Variants in PALB2 observed in about 807,000 individuals in gnomAD.
The protein encoded by PALB2 is partner and localizer of BRCA2, also known as mutant partner and localizer of BRCA2.
Under a neutral mutation model 107.4 loss-of-function variants are expected in PALB2, and 82 were observed. The observed-to-expected ratio is 0.76, with a 90% confidence interval of 0.64 to 0.92. The LOEUF is 0.92. PALB2 is among the 40% of genes least tolerant of loss of function. The probability of loss-of-function intolerance (pLI) is 0.00; values close to 1 mark genes in which losing one functional copy is unlikely to be tolerated. For missense variants in PALB2, 1,374 were observed against 1,379.9 expected (o/e 1.00, Z 0.07); for synonymous variants, 489 against 496.8 (o/e 0.98, Z 0.21).
At chr16:23,603,710 CAAAAAACAATTAAA>C (rs757551962) in intron 12 of PALB2, 41 bp from the exon 13 acceptor site, 1 of 1,463,414 alleles carries the variant, frequency 6.8e-7, no homozygotes, top group East Asian at 2.3e-5. Flanking sequence ...ATTACATATC[CAAAAAACAATTAAA>C]AAAAAAAAAA....
intron 12 of PALB2, among the ~76,000 whole-genome samples, chr16:23,607,577 T>C (rs1268993914): frequency 6.6e-6 from 1 of 152,032 alleles, no homozygotes; most frequent in Non-Finnish European, 1.5e-5. Context: ...ATTACAGGCA[T>C]GATCCACCAT....
rs1966421800 is a variant in PALB2 at position 23,604,251 on chromosome 16, C to T, written c.3351-582G>A. On this transcript the variant is annotated intron_variant, in intron 12 of 12. Coordinates refer to ENST00000261584, the MANE Select transcript of PALB2 (RefSeq NM_024675.4). ...ATGAAGCAGAAACCTACCTGGTTGCCTTTTTCATTTAGACAAGGGCTCTGC... is the reference window on the plus strand; with the variant it reads ...ATGAAGCAGAAACCTACCTGGTTGCTTTTTTCATTTAGACAAGGGCTCTGC... Among the ~76,000 whole-genome samples, 3 of 152,158 alleles carry T rather than the reference C, an allele frequency of 2.0e-5. No homozygotes were observed. The South Asian group carries it at 6.2e-4, about 32-fold the overall frequency.
intron 10 of PALB2, among the ~76,000 whole-genome samples, chr16:23,619,920 C>T (rs1294477218): frequency 6.6e-6 from 1 of 151,924 alleles, no homozygotes; most frequent in Non-Finnish European, 1.5e-5. Context: ...GCTGGAATTA[C>T]AGGTGTGCAC....
chr16:23,625,549 CT>C (rs1346939430), intron 7 of PALB2, among the ~76,000 whole-genome samples: 1 of 151,976 alleles, frequency 6.6e-6, no homozygotes, highest in African/African-American at 2.4e-5. Flanking sequence ...AATCCCAGCA[CT>C]TTGCGAGGCT....
At chr16:23,637,231 G>C (rs1460402249) in intron 3 of PALB2, among the ~76,000 whole-genome samples, 1 of 152,026 alleles carries the variant, frequency 6.6e-6, no homozygotes, top group African/African-American at 2.4e-5. Context: ...CTTGATGACA[G>C]AGTGAGACTC....
At chr16:23,636,385 C>G in intron 3 of PALB2, 51 bp from the exon 4 acceptor site, 2 of 1,231,086 alleles carry the variant, frequency 1.6e-6, no homozygotes, top group Non-Finnish European at 2.2e-6. Flanking sequence ...TAAAATAAAA[C>G]AAAAAATACT....
chr16:23,629,614 A>G (rs1966855243), intron 5 of PALB2, 26 bp downstream of exon 5: 1 of 1,607,534 alleles, frequency 6.2e-7, no homozygotes, highest in Non-Finnish European at 8.5e-7. Flanking sequence ...CTTCAGAGAA[A>G]ATTTCACAGA....
chr16:23,633,182 C>T (rs1006580846), intron 4 of PALB2, among the ~76,000 whole-genome samples: 17 of 152,180 alleles, frequency 1.1e-4, no homozygotes, highest in African/African-American at 4.1e-4. Context: ...TCCTTGTTCG[C>T]TTAAAAGATG....
intron 6 of PALB2, among the ~76,000 whole-genome samples, chr16:23,627,563 CAAGT>C (rs2142362089): frequency 6.7e-6 from 1 of 148,824 alleles, no homozygotes; most frequent in African/African-American, 2.5e-5. Flanking sequence ...AGATTAAAAT[CAAGT>C]AAGCATGCAG....
chr16:23,637,887 C>G lies in PALB2; in HGVS notation c.174G>C (p.Leu58Phe), dbSNP rs775243719. Reference protein sequence around the residue: ...IKKTVEEQDCLSQQDLSPQLK... With the variant: ...IKKTVEEQDCFSQQDLSPQLK... Reference sequence around the variant, plus strand: ...GCTGCGGTGAGAGATCCTGCTGAGACAAACAATCTTGTTCTTCTACTGTTT... The same window carrying G: ...GCTGCGGTGAGAGATCCTGCTGAGAGAAACAATCTTGTTCTTCTACTGTTT... Residue 58 changes from leucine (L) to phenylalanine (F), a missense_variant, in exon 3 of 13, where the codon TTG becomes TTC. Leu to Phe is a conservative substitution (Grantham distance 22, BLOSUM62 0). Transcript: ENST00000261584. 6.2e-7 allele frequency: 1 copy of G among 1,613,988 alleles called. No individual in the cohort carries two copies. Among genetic ancestry groups the G allele is most frequent in the Non-Finnish European group, 8.5e-7 (1 of 1,179,924 alleles).
rs515726119 is a variant in PALB2 at position 23,641,083 on chromosome 16, C to A, written c.48+27G>T. On this transcript the variant is annotated intron_variant, in intron 1 of 12. Coordinates refer to ENST00000261584, the MANE Select transcript of PALB2 (RefSeq NM_024675.4). ...CTGGGAAAGCGGGGTCAGAGTCCTG[C>A]GTCCGCCCTTCCCGCACCCCCGGCA... 102 of 1,611,130 alleles carry A rather than the reference C, an allele frequency of 6.3e-5. No individual in the cohort carries two copies. The highest frequency in any genetic ancestry group is 7.5e-5 in the Non-Finnish European group (88 of 1,178,830).
chr16:23,621,426 CAA>C lies in PALB2; in HGVS notation c.3047_3048del (p.Phe1016CysfsTer2). ...GCTTCTTGCATCCCTTGGACCTCAGCAAAAGTTAGTATAGTCTCCTCAGGGGG... is the reference window on the plus strand; with the variant it reads ...GCTTCTTGCATCCCTTGGACCTCAGCAAGTTAGTATAGTCTCCTCAGGGGG... ...LMPPEETILT[F>X]AEVQGMQEAL... On this transcript the variant is annotated frameshift_variant, in exon 10 of 13. Coordinates refer to ENST00000261584, the MANE Select transcript of PALB2 (RefSeq NM_024675.4). LOFTEE classifies it high-confidence loss of function. 6.2e-7 allele frequency: 1 copy of C among 1,614,106 alleles called. No individual in the cohort carries two copies. Among genetic ancestry groups the C allele is most frequent in the Non-Finnish European group, 8.5e-7 (1 of 1,179,996 alleles).
rs766487430 is a variant in PALB2, at chr16:23,636,343, G to GA, written c.212-10dup. On this transcript the variant is annotated splice_polypyrimidine_tract_variant and intron_variant, in intron 3 of 12. Transcript: ENST00000261584. ...TATTTTATTTTTAGGTTCTGAGGAG[G>GA]AAAAAAATGTATATAACTTATATTT... is the stretch of plus-strand genomic sequence containing the variant. 7 of 1,545,852 alleles carry GA rather than the reference G, an allele frequency of 4.5e-6. No individual in the cohort carries two copies. Among genetic ancestry groups the GA allele is most frequent in the Non-Finnish European group, 4.4e-6 (5 of 1,139,654 alleles).
At chr16:23,608,186 GATT>G (rs1236990716) in intron 11 of PALB2, among the ~76,000 whole-genome samples, 174 bp from the exon 12 acceptor site, 2 of 151,922 alleles carry the variant, frequency 1.3e-5, no homozygotes, top group African/African-American at 4.8e-5. Context: ...GAACTGTTGA[GATT>G]ATTACTGGAC....
rs2142376414 is a variant in PALB2 at position 23,629,867 on chromosome 16, A to T, written c.2287T>A (p.Leu763Met). The stretch of plus-strand genomic sequence containing the variant: ...CTGGCAAGACAGACTGAGTCTTTCA[A>T]ATGAGCAAGTTGGGGTGTGCAGCAA... ...RTCCTPQLAHLKDSVCLASDT... is the reference protein window; with the variant it reads ...RTCCTPQLAHMKDSVCLASDT... The change falls in exon 5 of 13, where the codon TTG (leucine) becomes ATG (methionine). Residue 763 changes from leucine to methionine, a missense_variant. Leu to Met is a conservative substitution (Grantham distance 15). Coordinates refer to ENST00000261584, the MANE Select transcript of PALB2 (RefSeq NM_024675.4). 6.2e-7 allele frequency: 1 copy of T among 1,614,152 alleles called. No individual in the cohort carries two copies. Among genetic ancestry groups the T allele is most frequent in the South Asian group, 1.1e-5 (1 of 91,084 alleles).
intron 10 of PALB2, among the ~76,000 whole-genome samples, chr16:23,619,267 T>C (rs753529741): frequency 7.2e-5 from 11 of 152,180 alleles, no homozygotes; most frequent in Non-Finnish European, 1.6e-4. Context: ...GTTCTCCCTA[T>C]AGTCAGAAAA....
chr16:23,626,165 G>T (rs2142352105), intron 7 of PALB2, 71 bp downstream of exon 7: 2 of 1,559,776 alleles, frequency 1.3e-6, no homozygotes, highest in South Asian at 1.1e-5. Context: ...TCCCAATTTT[G>T]GTAAGCTGCC....
chr16:23,620,331 C>T (rs1268939481), intron 10 of PALB2, among the ~76,000 whole-genome samples: 3 of 151,914 alleles, frequency 2.0e-5, no homozygotes, highest in Non-Finnish European at 4.4e-5. Flanking sequence ...GGACTTTTCC[C>T]CTCCCTTTCT....
chr16:23,637,744 G>A (rs951416775), intron 3 of PALB2, 106 bp downstream of exon 3: 41 of 824,078 alleles, frequency 5.0e-5, no homozygotes, highest in African/African-American at 1.4e-4. Context: ...AAATTAAAGC[G>A]TCTATTGCTA....
Sources: allele counts gnomAD v4.1 joint callset (sites outside exome capture counted in the v4.1 genomes callset), GRCh38; gene constraint gnomAD v4.1.1; transcripts MANE v1.5; gene names NCBI Gene and HGNC (gene_info 2026-07-23, HGNC 2026-07-21).